SF3B3: variants seen among roughly 807,000 people sequenced by gnomAD.
SF3B3 encodes the protein splicing factor 3b subunit 3.
SF3B3 carries 33 observed loss-of-function variants against 139.2 expected under a neutral mutation model. That is an observed-to-expected ratio of 0.24 (90% CI 0.18 to 0.32). The LOEUF is 0.32. Among genes scored for constraint, SF3B3 ranks in the 10% least tolerant of loss-of-function variants. The pLI is 1.00. For missense variants in SF3B3, 818 were observed against 1,509.4 expected (o/e 0.54, Z 7.59); for synonymous variants, 596 against 563.6 (o/e 1.06, Z -0.81).
chr16:70,549,874 G>A (rs1370893497), intron 11 of SF3B3, among the ~76,000 whole-genome samples: 7 of 152,252 alleles, frequency 4.6e-5, no homozygotes, highest in African/African-American at 1.2e-4. Flanking sequence ...GCAGTGAGCC[G>A]AGATTGCACC....
Position 70,533,759 on chromosome 16 carries a change from G to A in SF3B3, c.712+1139G>A, listed in dbSNP as rs539115429. On this transcript the variant is annotated intron_variant, in intron 5 of 25. Coordinates refer to ENST00000302516, the MANE Select transcript of SF3B3 (RefSeq NM_012426.5). ...CAACTGATGTCTAAAATAAGATGTT[G>A]TTTGGGGAAGATACTGGAGAATAAA... is the stretch of plus-strand genomic sequence containing the variant. Among the ~76,000 whole-genome samples the A allele has an allele frequency of 5.3e-5, 8 of 152,250 alleles. No individual in the cohort carries two copies. The East Asian group carries it at 9.6e-4, about 18-fold the overall frequency.
chr16:70,538,388 G>T lies in SF3B3; in HGVS notation c.891G>T (p.Ser297=), dbSNP rs577608310. The T allele has an allele frequency of 1.2e-6, 2 of 1,613,674 alleles. No homozygotes were observed. The highest frequency in any genetic ancestry group is 1.7e-6 in the Non-Finnish European group (2 of 1,179,692). ...FVCSATHKTK[S]MFFFLAQTEQ... ...GCTCTGCAACCCATAAAACCAAATC[G>T]ATGTTCTTCTTTTTGGCTCAAACTG... The change falls in exon 7 of 26, where the codon TCG becomes TCT. Residue 297 remains serine (S), a synonymous_variant. Transcript: ENST00000302516.
chr16:70,563,804 T>C (rs1449900327), intron 17 of SF3B3, 72 bp from the exon 18 acceptor site: 2 of 1,470,462 alleles, frequency 1.4e-6, no homozygotes, highest in Admixed American at 1.7e-5. Flanking sequence ...TGCTGACTGC[T>C]CAAAGTCTAT....
intron 23 of SF3B3, 147 bp downstream of exon 23, chr16:70,569,288 C>CA (rs1171806924): frequency 1.6e-5 from 9 of 566,774 alleles, no homozygotes; most frequent in Admixed American, 9.7e-5. Flanking sequence ...TACCAATCTG[C>CA]AAAAAATCTC....
In SF3B3 at chr16:70,572,051, T is replaced by A. The variant is rs2050534472; in HGVS notation, c.*238T>A. The A allele has an allele frequency of 1.5e-6, 1 of 657,918 alleles. No individual in the cohort carries two copies. 40.8% of individuals were successfully genotyped at this position (657,918 alleles called of 1,614,324 possible). ...TGGTACATGATACATGACCCCAGGT[T>A]CCAGTGTAGAACCTGAGTCCCCCAT... On this transcript the variant is annotated 3_prime_UTR_variant, in exon 26 of 26. Transcript: ENST00000302516.
chr16:70,537,425 CG>C (rs764802315), intron 6 of SF3B3, among the ~76,000 whole-genome samples: 2 of 152,166 alleles, frequency 1.3e-5, no homozygotes, highest in Non-Finnish European at 2.9e-5. Context: ...CCCTCTTCCC[CG>C]GCGTCTTTTC....
rs1162413716 is a variant in SF3B3, at chr16:70,572,009, C to CTACA, written c.*197_*200dup. 14 of 705,932 alleles carry CTACA rather than the reference C, an allele frequency of 2.0e-5. No homozygotes were observed. In the East Asian group the frequency reaches 3.9e-4, roughly 20 times the overall value. The allele number at this position is 705,932 out of a possible 1,614,324, so 43.7% of individuals were successfully genotyped here. A position where few individuals can be genotyped will look rare whatever the true frequency, so the allele number is the denominator to read the frequency against. ...CCCCTCAAATTGGCACTGAGATTTG[C>CTACA]TACACTTCTCCCCACCTGGTACATG... On this transcript the variant is annotated 3_prime_UTR_variant, in exon 26 of 26. Coordinates refer to ENST00000302516, the MANE Select transcript of SF3B3 (RefSeq NM_012426.5).
chr16:70,529,246 A>G, intron 3 of SF3B3, 47 bp downstream of exon 3: 1 of 1,482,686 alleles, frequency 6.7e-7, no homozygotes, highest in Non-Finnish European at 9.3e-7. Context: ...TTAGGATAAC[A>G]ATGCTGTGCT....
In SF3B3 at chr16:70,573,286, T is replaced by G. The variant is rs2050546828; in HGVS notation, c.*1473T>G. 1 of 152,228 alleles carries G rather than the reference T, an allele frequency of 6.6e-6. No individual in the cohort carries two copies. Among genetic ancestry groups the G allele is most frequent in the African/African-American group, 2.4e-5 (1 of 41,464 alleles). 9.4% of individuals were successfully genotyped at this position (152,228 alleles called of 1,614,324 possible). On this transcript the variant is annotated 3_prime_UTR_variant, in exon 26 of 26. Transcript: ENST00000302516. ...TGAAAACCTAATTTCAGGGCTCATT[T>G]TTTCCTGTGGCCCTAAATCCATTCT...
chr16:70,536,218 A>C (rs1254191614), intron 6 of SF3B3, among the ~76,000 whole-genome samples: 1 of 150,280 alleles, frequency 6.7e-6, no homozygotes, highest in African/African-American at 2.5e-5. Context: ...CCCATGCTGG[A>C]GTGCAGTGTT....
chr16:70,543,262 T>G (rs1393409308), intron 9 of SF3B3, among the ~76,000 whole-genome samples: 1 of 150,764 alleles, frequency 6.6e-6, no homozygotes, highest in Admixed American at 6.6e-5. Flanking sequence ...AATACAAAAT[T>G]AGCCAGGCAT....
At chr16:70,561,451 A>G (rs1355618262) in intron 16 of SF3B3, 179 bp from the exon 17 acceptor site, 6 of 596,304 alleles carry the variant, frequency 1.0e-5, no homozygotes, top group Admixed American at 3.0e-5. Context: ...CTTTTCACAT[A>G]TGCTAAGCCA....
chr16:70,563,791 G>A, intron 17 of SF3B3, 85 bp from the exon 18 acceptor site: 1 of 1,315,006 alleles, frequency 7.6e-7, no homozygotes, highest in South Asian at 1.3e-5. Flanking sequence ...GGATTGACGT[G>A]TTTGCTGACT....
chr16:70,535,182 A>G lies in SF3B3; in HGVS notation c.713-126A>G, dbSNP rs1021413822. On this transcript the variant is annotated intron_variant, in intron 5 of 25. Coordinates refer to ENST00000302516, the MANE Select transcript of SF3B3 (RefSeq NM_012426.5). ...CATGAACATAAGGGAGGAGAAACAC[A>G]TGAAATGTTTCTTAGCATCAGGCAC... The G allele has an allele frequency of 3.7e-5, 20 of 546,582 alleles. No homozygotes were observed. The African/African-American group carries it at 3.9e-4, about 11-fold the overall frequency. 33.9% of individuals were successfully genotyped at this position (546,582 alleles called of 1,614,324 possible).
At chr16:70,553,712 A>G (rs1193449253) in intron 11 of SF3B3, among the ~76,000 whole-genome samples, 2 of 152,176 alleles carry the variant, frequency 1.3e-5, no homozygotes, top group Non-Finnish European at 2.9e-5. Context: ...GGTTTCTGGT[A>G]TACCTCAAGT....
intron 11 of SF3B3, among the ~76,000 whole-genome samples, chr16:70,549,975 C>G (rs569118840): frequency 3.3e-5 from 5 of 152,268 alleles, no homozygotes; most frequent in African/African-American, 9.6e-5. Context: ...TTAACTCTCA[C>G]TTTTATGAAG....
In SF3B3 at chr16:70,570,095, C is replaced by G. The variant is rs1382206133; in HGVS notation, c.3354C>G (p.Val1118=). 3 of 1,614,000 alleles carry G rather than the reference C, an allele frequency of 1.9e-6. No individual in the cohort carries two copies. Among genetic ancestry groups the G allele is most frequent in the Non-Finnish European group, 1.7e-6 (2 of 1,180,040 alleles). ...TCCCTGGAGGCTCAGAATCACTTGTCTATACCACCTTGTCTGGAGGAATTG... is the reference window on the plus strand; with the variant it reads ...TCCCTGGAGGCTCAGAATCACTTGTGTATACCACCTTGTCTGGAGGAATTG... ...TLIPGGSESL[V]YTTLSGGIGI... is the part of the protein sequence containing the mutation. The change falls in exon 24 of 26, where the codon GTC becomes GTG. Residue 1118 remains valine, a synonymous_variant. Coordinates refer to ENST00000302516, the MANE Select transcript of SF3B3 (RefSeq NM_012426.5).
intron 4 of SF3B3, among the ~76,000 whole-genome samples, chr16:70,531,740 A>T (rs990707361): frequency 2.0e-5 from 3 of 152,264 alleles, no homozygotes; most frequent in Non-Finnish European, 4.4e-5. Context: ...GAAAAGCTTC[A>T]TGAAAAACTT....
chr16:70,561,018 T>C (rs1457581191), intron 16 of SF3B3, among the ~76,000 whole-genome samples: 1 of 152,082 alleles, frequency 6.6e-6, no homozygotes, highest in Non-Finnish European at 1.5e-5. Flanking sequence ...TTTAATTCTG[T>C]TTTTTGTTGT....
Sources: gnomAD v4.1 joint callset for allele counts (sites outside exome capture counted in the v4.1 genomes callset) on GRCh38, gnomAD v4.1.1 for gene constraint, MANE v1.5 for transcripts, NCBI Gene and HGNC (gene_info 2026-07-23, HGNC 2026-07-21) for gene names.